Variants in FAM3C observed in about 807,000 individuals in gnomAD.
FAM3C encodes FAM3 metabolism regulating signaling molecule C.
In FAM3C, 15 loss-of-function variants were observed where a neutral mutation model predicts 32.5. That is an observed-to-expected ratio of 0.46 (90% confidence interval 0.31 to 0.71). The LOEUF (loss-of-function observed/expected upper bound fraction) is 0.71, where lower values mean the gene tolerates loss of function less well. FAM3C is among the 30% of genes least tolerant of loss of function. The pLI, the probability that FAM3C is intolerant of heterozygous loss-of-function variation, is 0.05. For synonymous variants in FAM3C, 75 were observed against 86.1 expected (o/e 0.87, Z 0.72); for missense variants, 175 against 274.4 (o/e 0.64, Z 2.56).
At chr7:121,375,417 G>A (rs1388322322) in intron 3 of FAM3C, among the ~76,000 whole-genome samples, 3 of 152,210 alleles carry the variant, frequency 2.0e-5, no homozygotes, top group Non-Finnish European at 4.4e-5. Context: ...GCTGAGAAAG[G>A]CAGGCTGGGG....
intron 2 of FAM3C, among the ~76,000 whole-genome samples, chr7:121,380,995 C>G (rs567239424): frequency 1.1e-4 from 16 of 152,192 alleles, no homozygotes; most frequent in African/African-American, 3.9e-4. Flanking sequence ...AAGAAAAGCT[C>G]TAAGGCAGAC....
chr7:121,382,889 T>G, intron 2 of FAM3C, 68 bp downstream of exon 2: 2 of 1,154,168 alleles, frequency 1.7e-6, no homozygotes, highest in Non-Finnish European at 2.6e-6. Flanking sequence ...TAACCTCTCC[T>G]TTAGTTATTC....
intron 3 of FAM3C, 46 bp downstream of exon 3, chr7:121,378,864 G>T: frequency 9.9e-7 from 1 of 1,009,628 alleles, no homozygotes; most frequent in Non-Finnish European, 1.5e-6. Context: ...AAAACTTTAG[G>T]CCACATCAAA....
intron 1 of FAM3C, among the ~76,000 whole-genome samples, chr7:121,392,094 C>T (rs1794588396): frequency 6.6e-6 from 1 of 152,198 alleles, no homozygotes; most frequent in Non-Finnish European, 1.5e-5. Flanking sequence ...AAGCCTCCCT[C>T]CTGGATTCCC....
chr7:121,367,811 G>C (rs188444431), intron 5 of FAM3C, among the ~76,000 whole-genome samples: 233 of 151,938 alleles, frequency 1.5e-3, no homozygotes, highest in Middle Eastern at 3.4e-3. Flanking sequence ...CACAAAAATA[G>C]AAAAATTAGC....
At chr7:121,368,809 C>T (rs937013438) in intron 5 of FAM3C, among the ~76,000 whole-genome samples, 1 of 151,892 alleles carries the variant, frequency 6.6e-6, no homozygotes, top group East Asian at 1.9e-4. Context: ...CTTTCTATCC[C>T]TCAGATCTCA....
intron 5 of FAM3C, among the ~76,000 whole-genome samples, chr7:121,365,893 CA>C (rs1794015610): frequency 6.6e-6 from 1 of 152,100 alleles, no homozygotes; most frequent in Non-Finnish European, 1.5e-5. Context: ...TATCAATGGG[CA>C]AAGGGTTTCA....
Position 121,350,548 on chromosome 7 carries a change from G to A in FAM3C, c.597C>T (p.His199=), listed in dbSNP as rs200527749. 4.3e-5 allele frequency: 70 copies of A among 1,612,750 alleles called. 1 individual carries two copies. The African/African-American group carries it at 6.8e-4, about 16-fold the overall frequency. ...GIKTKSPFEQ[H]IKNNKDTNKY... ...TGTTTGTATCCTTATTGTTCTTTATGTGCTATTGGAACACAGTAATAATAT... is the reference window on the plus strand; with the variant it reads ...TGTTTGTATCCTTATTGTTCTTTATATGCTATTGGAACACAGTAATAATAT... Residue 199 remains histidine (H), a splice_region_variant and synonymous_variant, in exon 10 of 10, where the codon CAC becomes CAT. Transcript: ENST00000359943.
At chr7:121,364,280 T>A in intron 5 of FAM3C, 92 bp from the exon 6 acceptor site, 2 of 809,700 alleles carry the variant, frequency 2.5e-6, no homozygotes, top group South Asian at 1.6e-5. Context: ...GTTAGGAATA[T>A]TATACATATT....
At chr7:121,375,422 C>T (rs2116928281) in intron 3 of FAM3C, among the ~76,000 whole-genome samples, 1 of 152,240 alleles carries the variant, frequency 6.6e-6, no homozygotes, top group South Asian at 2.1e-4. Context: ...GAAAGGCAGG[C>T]TGGGGGATTT....
At chr7:121,371,810 C>A (rs534824961) in intron 4 of FAM3C, among the ~76,000 whole-genome samples, 82 of 152,176 alleles carry the variant, frequency 5.4e-4, no homozygotes, top group African/African-American at 1.9e-3. Flanking sequence ...AAAATCGTCA[C>A]CTCCAGGATA....
At chr7:121,363,989 T>C (rs1793975199) in intron 6 of FAM3C, 141 bp downstream of exon 6, 1 of 585,584 alleles carries the variant, frequency 1.7e-6, no homozygotes, top group African/African-American at 1.9e-5. Context: ...CACCCATAGA[T>C]TTTTTGCAGG....
chr7:121,364,827 T>C (rs1793994267), intron 5 of FAM3C, among the ~76,000 whole-genome samples: 1 of 152,070 alleles, frequency 6.6e-6, no homozygotes, highest in Admixed American at 6.5e-5. Context: ...CACTGTAAAA[T>C]GGAAGGTACC....
chr7:121,380,726 A>C (rs1794331866), intron 2 of FAM3C, among the ~76,000 whole-genome samples: 1 of 109,904 alleles, frequency 9.1e-6, no homozygotes, highest in African/African-American at 3.5e-5. Context: ...AGCTATATAC[A>C]AACATTTTAT....
intron 9 of FAM3C, 26 bp downstream of exon 9, chr7:121,351,117 T>C: frequency 6.3e-7 from 1 of 1,595,580 alleles, no homozygotes. Flanking sequence ...TTGTTTTTGT[T>C]AATTCTGAGA....
intron 8 of FAM3C, among the ~76,000 whole-genome samples, chr7:121,355,915 G>A (rs1395723244): frequency 6.6e-6 from 1 of 151,876 alleles, no homozygotes; most frequent in Non-Finnish European, 1.5e-5. Flanking sequence ...TCAGAATCAA[G>A]ACCAAGTGGG....
At chr7:121,372,061 G>A in intron 4 of FAM3C, 49 bp downstream of exon 4, 3 of 1,418,784 alleles carry the variant, frequency 2.1e-6, no homozygotes, top group Non-Finnish European at 3.0e-6. Context: ...GCTCTCATAT[G>A]CCTAAGGCAG....
chr7:121,384,925 TA>T (rs1195186332), intron 1 of FAM3C, among the ~76,000 whole-genome samples: 2 of 152,214 alleles, frequency 1.3e-5, no homozygotes, highest in African/African-American at 4.8e-5. Context: ...GTGCTAATTC[TA>T]AATCATTCCT....
At chr7:121,363,761 T>G (rs1793971569) in intron 6 of FAM3C, among the ~76,000 whole-genome samples, 1 of 152,172 alleles carries the variant, frequency 6.6e-6, no homozygotes. Flanking sequence ...AATACATTCT[T>G]ATTCTTTGTT....
Sources: allele counts gnomAD v4.1 joint callset (sites outside exome capture counted in the v4.1 genomes callset), GRCh38; gene constraint gnomAD v4.1.1; transcripts MANE v1.5; gene names NCBI Gene and HGNC (gene_info 2026-07-23, HGNC 2026-07-21).